The following SPICE1 variants were observed in gnomAD, a reference collection of about 807,000 sequenced individuals.
SPICE1 encodes the protein spindle and centriole-associated protein 1.
In SPICE1, 75 loss-of-function variants were observed where a neutral mutation model predicts 102.7. That is an observed-to-expected ratio of 0.73 (90% CI 0.61 to 0.88). SPICE1 has a LOEUF of 0.88. Among genes scored for constraint, SPICE1 ranks in the 40% least tolerant of loss-of-function variants. The probability of loss-of-function intolerance (pLI) is 0.00; values close to 1 mark genes in which losing one functional copy is unlikely to be tolerated. For synonymous variants in SPICE1, 308 were observed against 350.3 expected, an observed-to-expected ratio of 0.88 and a Z score of 1.35; for missense variants, 979 against 1,020.1, an observed-to-expected ratio of 0.96 and a Z score of 0.55.
At chr3:113,512,956 C>G (rs1482181507) in intron 1 of SPICE1, among the ~76,000 whole-genome samples, 1 of 152,138 alleles carries the variant, frequency 6.6e-6, no homozygotes, top group Non-Finnish European at 1.5e-5. Flanking sequence ...GTAAACAAGT[C>G]TAATATGGTG....
chr3:113,469,314 A>G, intron 7 of SPICE1, 76 bp from the exon 8 acceptor site: 1 of 501,686 alleles, frequency 2.0e-6, no homozygotes, highest in Non-Finnish European at 2.7e-6. Context: ...ATTAAATGAT[A>G]GCAGGCATTT....
chr3:113,458,385 G>A (rs916922237), intron 12 of SPICE1, among the ~76,000 whole-genome samples: 2 of 152,176 alleles, frequency 1.3e-5, no homozygotes, highest in South Asian at 2.1e-4. Flanking sequence ...ACTGGTTTTC[G>A]TATTTTTTGG....
intron 15 of SPICE1, 142 bp downstream of exon 15, chr3:113,450,194 T>C: frequency 2.5e-6 from 2 of 789,690 alleles, no homozygotes; most frequent in Non-Finnish European, 4.1e-6. Flanking sequence ...TCCTGTGAGT[T>C]AGGGCTATTT....
At chr3:113,503,592 T>C (rs189436574) in intron 2 of SPICE1, among the ~76,000 whole-genome samples, 2 of 152,292 alleles carry the variant, frequency 1.3e-5, no homozygotes, top group East Asian at 3.9e-4. Flanking sequence ...CTGTAGTCTA[T>C]GGAATCCCAG....
At chr3:113,514,663 G>A (rs1362827096) in intron 1 of SPICE1, 1 of 735,388 alleles carries the variant, frequency 1.4e-6, no homozygotes, top group Non-Finnish European at 2.1e-6. Flanking sequence ...CTCACAGGAG[G>A]AGCCTTCTGA....
intron 16 of SPICE1, among the ~76,000 whole-genome samples, chr3:113,447,796 C>T (rs1180050397): frequency 6.6e-6 from 1 of 152,172 alleles, no homozygotes; most frequent in African/African-American, 2.4e-5. Context: ...CCCGTAAGTA[C>T]TCTACATACG....
At chr3:113,505,201 A>G (rs1937083369) in intron 2 of SPICE1, among the ~76,000 whole-genome samples, 1 of 152,172 alleles carries the variant, frequency 6.6e-6, no homozygotes, top group African/African-American at 2.4e-5. Context: ...TATTTATTGA[A>G]AAAAAATTCA....
rs16861109 is a variant in SPICE1, at chr3:113,515,105, G to A, written c.-209C>T. Reference sequence around the variant, plus strand: ...CTTGCAGTCGGTCCCGACTGCCGCCGCCACCGCAGCTAAAACTTCAGGCGC... The same window carrying A: ...CTTGCAGTCGGTCCCGACTGCCGCCACCACCGCAGCTAAAACTTCAGGCGC... On this transcript the variant is annotated 5_prime_UTR_variant, in exon 1 of 18. Transcript: ENST00000295872. 4,600 of 163,370 alleles carry A rather than the reference G, an allele frequency of 0.028. 110 individuals carry two copies. Among genetic ancestry groups the A allele is most frequent in the East Asian group, 0.081 (425 of 5,274 alleles). 10.1% of individuals were successfully genotyped at this position (163,370 alleles called of 1,614,324 possible).
intron 3 of SPICE1, among the ~76,000 whole-genome samples, chr3:113,502,194 G>A (rs1331391828): frequency 2.0e-5 from 3 of 152,078 alleles, no homozygotes; most frequent in Non-Finnish European, 4.4e-5. Flanking sequence ...TGGGCAAGAC[G>A]GCAAAACCCT....
rs61506451 is a variant in SPICE1, at chr3:113,486,156, C to CATATATAT, written c.611+2781_611+2788dup. On this transcript the variant is annotated intron_variant, in intron 7 of 17. Transcript: ENST00000295872. ...AAATACTGAAAATAACCTAAATGACCATATATATATATATATAGTATATCA... is the reference window on the plus strand; with the variant it reads ...AAATACTGAAAATAACCTAAATGACCATATATATATATATATATATATATAGTATATCA... Among the ~76,000 whole-genome samples, 262 of 142,042 alleles carry CATATATAT rather than the reference C, an allele frequency of 1.8e-3. 1 individual carries two copies. The highest frequency in any genetic ancestry group is 4.1e-3 in the African/African-American group (158 of 38,114). The allele number at this position is 142,042 out of a possible 152,430, so 93.2% of individuals were successfully genotyped here.
At chr3:113,461,352 T>C (rs1012657658) in intron 11 of SPICE1, among the ~76,000 whole-genome samples, 6 of 151,694 alleles carry the variant, frequency 4.0e-5, no homozygotes, top group African/African-American at 1.4e-4. Flanking sequence ...TAATATTACA[T>C]AAGGTTTTTT....
intron 7 of SPICE1, among the ~76,000 whole-genome samples, chr3:113,479,245 G>C (rs892592358): frequency 1.3e-5 from 2 of 149,698 alleles, no homozygotes; most frequent in South Asian, 4.2e-4. Context: ...TTGTCCTTGC[G>C]ATAGTTTACT....
intron 1 of SPICE1, among the ~76,000 whole-genome samples, chr3:113,508,956 C>T (rs1187361829): frequency 6.6e-6 from 1 of 152,160 alleles, no homozygotes; most frequent in African/African-American, 2.4e-5. Context: ...CATGCTACAA[C>T]ATGAATGAAT....
intron 7 of SPICE1, among the ~76,000 whole-genome samples, chr3:113,472,289 A>G (rs1290170644): frequency 2.6e-5 from 4 of 152,262 alleles, no homozygotes; most frequent in African/African-American, 9.6e-5. Flanking sequence ...GGAAGTTCCA[A>G]CTGGGTGGAG....
chr3:113,444,474 G>A lies in SPICE1; in HGVS notation c.*833C>T, dbSNP rs1195567728. 1 of 149,110 alleles carries A rather than the reference G, an allele frequency of 6.7e-6. No individual in the cohort carries two copies. The highest frequency in any genetic ancestry group is 2.5e-5 in the African/African-American group (1 of 39,574). 9.2% of individuals were successfully genotyped at this position (149,110 alleles called of 1,614,324 possible). A position where few individuals can be genotyped will look rare whatever the true frequency, so the allele number is the denominator to read the frequency against. ...AGATTATACAACTGCACTCCAGCCT[G>A]GGCAATAAAGCAAGACTCTGTCTCA... is the stretch of plus-strand genomic sequence containing the variant. On this transcript the variant is annotated 3_prime_UTR_variant, in exon 18 of 18. Transcript: ENST00000295872.
Position 113,453,962 on chromosome 3 carries a change from A to C in SPICE1, c.1658-12T>G, listed in dbSNP as rs1316547369. On this transcript the variant is annotated splice_polypyrimidine_tract_variant and intron_variant, in intron 13 of 17. Transcript: ENST00000295872. ...AGTCCTTCTCAATACTATAGATAAG[A>C]ATTTAAAAATAACAAATATGTATTA... The C allele has an allele frequency of 1.3e-6, 2 of 1,568,614 alleles. No homozygotes were observed. Among genetic ancestry groups the C allele is most frequent in the Non-Finnish European group, 8.6e-7 (1 of 1,159,242 alleles).
intron 5 of SPICE1, 127 bp from the exon 6 acceptor site, chr3:113,493,439 C>T: frequency 1.4e-6 from 1 of 715,952 alleles, no homozygotes; most frequent in Non-Finnish European, 2.5e-6. Context: ...TAATGTAGTG[C>T]TTACTATATG....
intron 7 of SPICE1, among the ~76,000 whole-genome samples, chr3:113,485,221 A>G (rs1252283831): frequency 6.6e-6 from 1 of 151,050 alleles, no homozygotes; most frequent in Non-Finnish European, 1.5e-5. Context: ...AGAACGCCAG[A>G]GAGACAGAAC....
intron 10 of SPICE1, among the ~76,000 whole-genome samples, chr3:113,466,311 A>G (rs559379418): frequency 1.3e-5 from 2 of 152,338 alleles, no homozygotes; most frequent in Admixed American, 6.5e-5. Flanking sequence ...GATTAGCTTA[A>G]AAGTACACGC....
Sources: allele counts gnomAD v4.1 joint callset (sites outside exome capture counted in the v4.1 genomes callset), GRCh38; gene constraint gnomAD v4.1.1; transcripts MANE v1.5; gene names NCBI Gene and HGNC (gene_info 2026-07-23, HGNC 2026-07-21).